The following WNT5B variants were observed in gnomAD, a reference collection of about 807,000 sequenced individuals.
WNT5B encodes Wnt family member 5B.
WNT5B carries 18 observed loss-of-function variants against 36.5 expected under a neutral mutation model. The observed-to-expected ratio is 0.49, with a 90% CI of 0.34 to 0.73. WNT5B has a LOEUF of 0.73. Among genes scored for constraint, WNT5B ranks in the 30% least tolerant of loss-of-function variants. WNT5B has a pLI of 0.01. For missense variants in WNT5B, 424 were observed against 508.4 expected (o/e 0.83, Z 1.60); for synonymous variants, 213 against 212.3 (o/e 1.00, Z -0.03).
intron 1 of WNT5B, 92 bp from the exon 2 acceptor site, chr12:1,631,206 C>T (rs1004541134): frequency 1.7e-5 from 20 of 1,170,666 alleles, no homozygotes; most frequent in Non-Finnish European, 2.4e-5. Context: ...AGCACGTAAG[C>T]ATCAGTGCAA....
At chr12:1,626,702 C>T (rs557898375), upstream of WNT5B, among the ~76,000 whole-genome samples, 3 of 152,088 alleles carry the variant, frequency 2.0e-5, no homozygotes, top group African/African-American at 7.2e-5. Context: ...GTAGCTGGGA[C>T]TACAGGCGCC....
At chr12:1,631,575 A>G in intron 2 of WNT5B, 141 bp downstream of exon 2, 1 of 1,332,948 alleles carries the variant, frequency 7.5e-7, no homozygotes, top group Non-Finnish European at 1.0e-6. Context: ...CAGGAAAACT[A>G]AGAACGCTCT....
chr12:1,632,130 T>C lies in WNT5B; in HGVS notation c.81-528T>C, dbSNP rs1004136891. 6.6e-6 allele frequency among the ~76,000 whole-genome samples: 1 copy of C among 152,208 alleles called. No homozygotes were observed. Among genetic ancestry groups the C allele is most frequent in the Admixed American group, 6.5e-5 (1 of 15,282 alleles). On this transcript the variant is annotated intron_variant, in intron 2 of 4. Coordinates refer to ENST00000397196, the MANE Select transcript of WNT5B (RefSeq NM_032642.3). This position sits in a 1 kb window ranked among gnomAD's most constrained non-coding sequence, Gnocchi z 5.8. ...GTGATGTATGTAAAGTGATTGGATT[T>C]TAAAGGCCCAAAGGGAGTACCACGC... is the stretch of plus-strand genomic sequence containing the variant.
In WNT5B at chr12:1,632,816, T is replaced by G; in HGVS notation, c.239T>G (p.Ile80Ser). 4 of 1,614,138 alleles carry G rather than the reference T, an allele frequency of 2.5e-6. No homozygotes were observed. Among genetic ancestry groups the G allele is most frequent in the Non-Finnish European group, 3.4e-6 (4 of 1,180,006 alleles). ...AYIGEGAKTG[I>S]KECQHQFRQR... ...ATAGGGGAGGGAGCCAAGACTGGCA[T>G]CAAGGAATGCCAGCACCAGTTCCGG... The change falls in exon 3 of 5, where the codon ATC becomes AGC. Residue 80 changes from isoleucine to serine, a missense_variant. Physicochemically the swap from Ile to Ser is moderately radical, Grantham distance 142 (BLOSUM62 -2). Transcript: ENST00000397196. This position sits in a 1 kb window ranked among gnomAD's most constrained non-coding sequence, Gnocchi z 5.8.
rs981231730 is a variant in WNT5B at position 1,646,309 on chromosome 12, A to G, written c.*57A>G. ...TCTGCCTCACAAAGGTCTATATTAT[A>G]TAAATCTATATAAATCTATTTTATA... On this transcript the variant is annotated 3_prime_UTR_variant, in exon 5 of 5. Coordinates refer to ENST00000397196, the MANE Select transcript of WNT5B (RefSeq NM_032642.3). 3 of 1,252,392 alleles carry G rather than the reference A, an allele frequency of 2.4e-6. No individual in the cohort carries two copies. The highest frequency in any genetic ancestry group is 3.0e-5 in the African/African-American group (2 of 65,756). The allele number at this position is 1,252,392 out of a possible 1,614,324, so 77.6% of individuals were successfully genotyped here. A position where few individuals can be genotyped will look rare whatever the true frequency, so the allele number is the denominator to read the frequency against.
intron 3 of WNT5B, among the ~76,000 whole-genome samples, chr12:1,639,471 C>A (rs1033220600): frequency 1.3e-5 from 2 of 152,130 alleles, no homozygotes; most frequent in African/African-American, 4.8e-5. Flanking sequence ...TTTCGCAGGG[C>A]TGAGCTGGGG....
Position 1,645,948 on chromosome 12 carries a change from G to T in WNT5B, c.776G>T (p.Arg259Leu). The change falls in exon 5 of 5, where the codon CGC (arginine) becomes CTC (leucine). Residue 259 changes from arginine to leucine, a missense_variant. By Grantham distance (102) the Arg-to-Leu change is moderately radical. Transcript: ENST00000397196. ...AGCGCGGCCGCCATGCGCGTCACCC[G>T]CAAGGGCCGGCTGGAGCTGGTCAAC... ...YDSAAAMRVTRKGRLELVNSR... is the reference protein window; with the variant it reads ...YDSAAAMRVTLKGRLELVNSR... 2 of 1,610,044 alleles carry T rather than the reference G, an allele frequency of 1.2e-6. No homozygotes were observed. The highest frequency in any genetic ancestry group is 2.2e-5 in the East Asian group (1 of 44,878).
chr12:1,634,443 G>T lies in WNT5B; in HGVS notation c.328+1538G>T, dbSNP rs138863638. 3.6e-4 allele frequency among the ~76,000 whole-genome samples: 55 copies of T among 152,246 alleles called. No homozygotes were observed. The East Asian group carries it at 8.5e-3, about 23-fold the overall frequency. On this transcript the variant is annotated intron_variant, in intron 3 of 4. Transcript: ENST00000397196. Reference sequence around the variant, plus strand: ...TCATGTGTATTTCGTGTGCATAAAGGCCCCAAAGTGAGGCTGTACTTTAGG... The same window carrying T: ...TCATGTGTATTTCGTGTGCATAAAGTCCCCAAAGTGAGGCTGTACTTTAGG...
At chr12:1,619,062 T>C (rs1592512142) in intron 1 of WNT5B, among the ~76,000 whole-genome samples, 1 of 152,194 alleles carries the variant, frequency 6.6e-6, no homozygotes, top group East Asian at 1.9e-4. Context: ...TTAGCATTTT[T>C]CTTAAGGGCC....
intron 1 of WNT5B, among the ~76,000 whole-genome samples, chr12:1,622,107 C>CTTTTTT (rs35497935): frequency 3.0e-5 from 3 of 99,062 alleles, no homozygotes; most frequent in African/African-American, 4.1e-5. Flanking sequence ...TCTGACACTT[C>CTTTTTT]TTTTTTTTTT....
intron 3 of WNT5B, 84 bp from the exon 4 acceptor site, chr12:1,639,600 G>A (rs6489313): frequency 0.79 from 1,103,099 of 1,398,210 alleles, 437,960 homozygotes; most frequent in East Asian, 0.99. Context: ...CGTGGCGTGC[G>A]GGTCCGTCGG....
chr12:1,624,506 T>A (rs958346023), upstream of WNT5B, among the ~76,000 whole-genome samples: 4 of 152,106 alleles, frequency 2.6e-5, no homozygotes, highest in African/African-American at 4.8e-5. Context: ...TCAATTGCTG[T>A]ATGAACAAGT....
intron 4 of WNT5B, among the ~76,000 whole-genome samples, chr12:1,643,457 C>T (rs2094579176): frequency 6.6e-6 from 1 of 152,082 alleles, no homozygotes; most frequent in Non-Finnish European, 1.5e-5. Context: ...CCTCTGCTTC[C>T]CAGGTTCAAG....
chr12:1,641,022 G>A (rs1222925876), intron 4 of WNT5B, among the ~76,000 whole-genome samples: 3 of 152,148 alleles, frequency 2.0e-5, no homozygotes, highest in Non-Finnish European at 4.4e-5. Context: ...GTCCCCACTC[G>A]GGTCTATGTC....
At chr12:1,631,211 G>A in intron 1 of WNT5B, 87 bp from the exon 2 acceptor site, 1 of 1,278,906 alleles carries the variant, frequency 7.8e-7, no homozygotes, top group Non-Finnish European at 1.1e-6. Context: ...GTAAGCATCA[G>A]TGCAACTTTC....
At chr12:1,638,992 T>C (rs1397849188) in intron 3 of WNT5B, among the ~76,000 whole-genome samples, 1 of 152,152 alleles carries the variant, frequency 6.6e-6, no homozygotes, top group Non-Finnish European at 1.5e-5. Context: ...TTAGCCTCAT[T>C]CTGTTCGACT....
At position 1,646,134 on chromosome 12, in the gene WNT5B, G is replaced by A. The variant is rs766383768; in HGVS notation, c.962G>A (p.Arg321His). Reference protein sequence around the residue: ...MDGCELMCCGRGYNQFKSVQV... With the variant: ...MDGCELMCCGHGYNQFKSVQV... Reference sequence around the variant, plus strand: ...GGCTGTGAGCTCATGTGCTGCGGGCGTGGCTACAACCAGTTCAAGAGCGTG... The same window carrying A: ...GGCTGTGAGCTCATGTGCTGCGGGCATGGCTACAACCAGTTCAAGAGCGTG... Residue 321 changes from arginine to histidine, a missense_variant, in exon 5 of 5, where the codon CGT becomes CAT. Arg to His is a conservative substitution (Grantham distance 29). Coordinates refer to ENST00000397196, the MANE Select transcript of WNT5B (RefSeq NM_032642.3). 5.6e-6 allele frequency: 9 copies of A among 1,613,936 alleles called. No homozygotes were observed. The highest frequency in any genetic ancestry group is 1.1e-5 in the South Asian group (1 of 91,088).
Position 1,639,831 on chromosome 12 carries a change from G to A in WNT5B, c.476G>A (p.Gly159Asp). Residue 159 changes from glycine (G) to aspartate (D), a missense_variant, in exon 4 of 5, where the codon GGC (glycine) becomes GAC (aspartate). Gly to Asp is a moderately conservative substitution (Grantham distance 94, BLOSUM62 -1). Coordinates refer to ENST00000397196, the MANE Select transcript of WNT5B (RefSeq NM_032642.3). ...GACCTGCCCCGGGACTGGCTGTGGG[G>A]CGGCTGTGGGGACAACGTGGAGTAC... is the stretch of plus-strand genomic sequence containing the variant. ...PKDLPRDWLW[G>D]GCGDNVEYGY... 3.1e-6 allele frequency: 5 copies of A among 1,613,826 alleles called. No homozygotes were observed. The highest frequency in any genetic ancestry group is 1.3e-5 in the African/African-American group (1 of 75,052).
intron 1 of WNT5B, among the ~76,000 whole-genome samples, chr12:1,624,023 G>A (rs1350175437): frequency 6.6e-6 from 1 of 152,150 alleles, no homozygotes; most frequent in Non-Finnish European, 1.5e-5. Context: ...GATATCTCCT[G>A]CATATCAGAA....
Sources: gnomAD v4.1 joint callset for allele counts (sites outside exome capture counted in the v4.1 genomes callset) on GRCh38, gnomAD v4.1.1 for gene constraint, Gnocchi (gnomAD v3.1) non-coding constraint, MANE v1.5 for transcripts, NCBI Gene and HGNC (gene_info 2026-07-23, HGNC 2026-07-21) for gene names.